Variants in OSMR observed in about 807,000 individuals in gnomAD.
The protein encoded by OSMR is oncostatin M receptor, also known as oncostatin-M-specific receptor subunit beta.
OSMR carries 81 observed loss-of-function variants against 99.9 expected under a neutral mutation model. That is an observed-to-expected ratio of 0.81 (90% CI 0.68 to 0.97). The LOEUF (loss-of-function observed/expected upper bound fraction) is 0.97. OSMR is among the 50% of genes least tolerant of loss of function. The pLI is 0.00. For synonymous variants in OSMR, 406 were observed against 410.4 expected (o/e 0.99, Z 0.13); for missense variants, 1,099 against 1,153.4 (o/e 0.95, Z 0.68).
chr5:38,908,403 C>T (rs1237193385), intron 9 of OSMR, among the ~76,000 whole-genome samples: 1 of 152,246 alleles, frequency 6.6e-6, no homozygotes, highest in Non-Finnish European at 1.5e-5. Flanking sequence ...CCCACCCCAG[C>T]TGATGCACAT....
At chr5:38,941,731 C>T (rs951851456) in intron 1 of OSMR, 1 of 232,146 alleles carries the variant, frequency 4.3e-6, no homozygotes, top group African/African-American at 2.2e-5. Context: ...GGCTCTTCTT[C>T]TGCTTTGAGG....
Position 38,918,957 on chromosome 5 carries a change from A to G in OSMR, c.1480A>G (p.Lys494Glu). 6 of 1,614,164 alleles carry G rather than the reference A, an allele frequency of 3.7e-6. No individual in the cohort carries two copies. Among genetic ancestry groups the G allele is most frequent in the Non-Finnish European group, 5.1e-6 (6 of 1,180,004 alleles). ...HSIPAPANSTKLILDRCSYQI... is the reference protein window; with the variant it reads ...HSIPAPANSTELILDRCSYQI... ...CATTCCAGCACCAGCCAACAGCACA[A>G]AACTAATCCTTGACAGGTGTTCCTA... Residue 494 changes from lysine (K) to glutamate (E), a missense_variant, in exon 11 of 18, where the codon AAA (lysine) becomes GAA (glutamate). By Grantham distance (56) the Lys-to-Glu change is moderately conservative. Transcript: ENST00000274276.
At chr5:38,885,606 G>A (rs1199143439) in intron 6 of OSMR, 122 bp downstream of exon 6, 1 of 1,317,956 alleles carries the variant, frequency 7.6e-7, no homozygotes, top group Non-Finnish European at 1.1e-6. Context: ...AGAACCACCT[G>A]CCAAGGTCAA....
chr5:38,882,002 T>C (rs934242508), intron 4 of OSMR, among the ~76,000 whole-genome samples: 3 of 152,234 alleles, frequency 2.0e-5, no homozygotes, highest in Admixed American at 2.0e-4. Context: ...GGCAATTTTG[T>C]ATTTGTTTTC....
At chr5:38,921,825 C>G (rs750546101) in intron 12 of OSMR, 31 bp downstream of exon 12, 19 of 1,541,468 alleles carry the variant, frequency 1.2e-5, no homozygotes, top group Non-Finnish European at 1.5e-5. Context: ...CATCGCATTG[C>G]TATATTCACC....
intron 8 of OSMR, 88 bp from the exon 9 acceptor site, chr5:38,904,265 G>A: frequency 6.5e-7 from 1 of 1,550,330 alleles, no homozygotes; most frequent in South Asian, 1.2e-5. Flanking sequence ...GCTGTGCTCT[G>A]GTTTGCCTTT....
At chr5:38,909,893 C>T (rs192737449) in intron 9 of OSMR, among the ~76,000 whole-genome samples, 11 of 152,224 alleles carry the variant, frequency 7.2e-5, no homozygotes, top group East Asian at 3.9e-4. Flanking sequence ...AACTTGAATG[C>T]GCACAGGTTA....
At chr5:38,932,060 C>T in intron 16 of OSMR, 96 bp downstream of exon 16, 1 of 951,806 alleles carries the variant, frequency 1.1e-6, no homozygotes, top group South Asian at 1.4e-5. Flanking sequence ...TAATATGAAA[C>T]AACGTATAAA....
chr5:38,942,894 G>A (rs965595865), intron 1 of OSMR: 15 of 1,608,398 alleles, frequency 9.3e-6, no homozygotes, highest in African/African-American at 1.3e-5. Flanking sequence ...AAGTCTGAAT[G>A]TGCAGTGTGA....
intron 1 of OSMR, among the ~76,000 whole-genome samples, chr5:38,851,351 T>A (rs992233071): frequency 5.3e-5 from 8 of 152,038 alleles, no homozygotes; most frequent in Non-Finnish European, 1.2e-4. Context: ...TGGGGCTGGT[T>A]TGGATCCCTC....
intron 1 of OSMR, among the ~76,000 whole-genome samples, chr5:38,851,690 A>G (rs376470154): frequency 6.6e-6 from 1 of 152,298 alleles, no homozygotes; most frequent in East Asian, 1.9e-4. Flanking sequence ...TCTTAGGTAT[A>G]TACTGTTTTG....
At chr5:38,915,346 C>G (rs1745834283) in intron 9 of OSMR, among the ~76,000 whole-genome samples, 1 of 152,098 alleles carries the variant, frequency 6.6e-6, no homozygotes, top group African/African-American at 2.4e-5. Flanking sequence ...TGGTAAAATA[C>G]TGATTTGCAC....
downstream of OSMR, chr5:38,938,842 CTT>C (rs1747233317): frequency 4.3e-6 from 1 of 232,946 alleles, no homozygotes; most frequent in Non-Finnish European, 8.5e-6. Context: ...GACTTCCTAA[CTT>C]ACATTTTGGA....
intron 2 of OSMR, among the ~76,000 whole-genome samples, chr5:38,872,462 G>A (rs999788216): frequency 2.0e-4 from 31 of 152,218 alleles, no homozygotes; most frequent in African/African-American, 7.0e-4. Flanking sequence ...CAGTCTACAG[G>A]GAGACAGACA....
Position 38,882,646 on chromosome 5 carries a change from G to T in OSMR, c.418+882G>T, listed in dbSNP as rs79152497. On this transcript the variant is annotated intron_variant, in intron 4 of 17. Transcript: ENST00000274276. ...CTCCCCCGAATCTAGACGGCGGGGT[G>T]GGGGGAAGGGGGGTGGAATATGGAA... 0.024 allele frequency among the ~76,000 whole-genome samples: 3,626 copies of T among 152,112 alleles called. 412 individuals are homozygous for T. The East Asian group carries it at 0.39, about 16-fold the overall frequency.
chr5:38,896,025 C>G (rs1417781506), intron 7 of OSMR, among the ~76,000 whole-genome samples: 2 of 151,916 alleles, frequency 1.3e-5, no homozygotes, highest in Non-Finnish European at 2.9e-5. Flanking sequence ...TGTTTCTATG[C>G]CATTACCATG....
intron 7 of OSMR, among the ~76,000 whole-genome samples, chr5:38,890,798 T>C (rs1480235533): frequency 6.6e-6 from 1 of 152,106 alleles, no homozygotes; most frequent in Non-Finnish European, 1.5e-5. Context: ...AAAAAAATTC[T>C]ATAGTTGTAG....
chr5:38,869,537 T>A lies in OSMR; in HGVS notation c.73+420T>A, dbSNP rs186133834. ...TTTTATGTCCCTCAACTATGTTCATTGAGAAGCTGTTAGCTTAGTAAAATA... is the reference window on the plus strand; with the variant it reads ...TTTTATGTCCCTCAACTATGTTCATAGAGAAGCTGTTAGCTTAGTAAAATA... On this transcript the variant is annotated intron_variant, in intron 2 of 17. Coordinates refer to ENST00000274276, the MANE Select transcript of OSMR (RefSeq NM_003999.3). Among the ~76,000 whole-genome samples the A allele has an allele frequency of 1.2e-3, 177 of 152,338 alleles. 3 individuals are homozygous for A. In the Middle Eastern group the frequency reaches 0.044, roughly 38 times the overall value.
At chr5:38,907,895 C>T (rs1010977012) in intron 9 of OSMR, among the ~76,000 whole-genome samples, 6 of 152,228 alleles carry the variant, frequency 3.9e-5, no homozygotes, top group Non-Finnish European at 8.8e-5. Flanking sequence ...ACATATCCCA[C>T]TGCTGCTGTT....
Sources: allele counts gnomAD v4.1 joint callset (sites outside exome capture counted in the v4.1 genomes callset), GRCh38; gene constraint gnomAD v4.1.1; transcripts MANE v1.5; gene names NCBI Gene and HGNC (gene_info 2026-07-23, HGNC 2026-07-21).